The following SLC25A13 variants were observed in gnomAD, a reference collection of about 807,000 sequenced individuals.
SLC25A13 encodes the protein electrogenic aspartate/glutamate antiporter SLC25A13, mitochondrial.
In SLC25A13, 70 loss-of-function variants were observed where a neutral mutation model predicts 85.5. The ratio of observed to expected loss-of-function variants is 0.82; its 90% confidence interval spans 0.68 to 1.00. SLC25A13 has a LOEUF of 1.00. SLC25A13 is among the 50% of genes least tolerant of loss of function. SLC25A13 has a pLI of 0.00. For missense variants in SLC25A13, 765 were observed against 819.8 expected, an observed-to-expected ratio of 0.93 and a Z score of 0.82; for synonymous variants, 259 against 288.7, an observed-to-expected ratio of 0.90 and a Z score of 1.04.
intron 4 of SLC25A13, among the ~76,000 whole-genome samples, chr7:96,233,610 T>C (rs1349064050): frequency 6.6e-6 from 1 of 152,220 alleles, no homozygotes; most frequent in African/African-American, 2.4e-5. Flanking sequence ...AAATCTATTA[T>C]ACTATCTTAC....
intron 8 of SLC25A13, 64 bp downstream of exon 8, chr7:96,189,517 G>C: frequency 6.5e-7 from 1 of 1,531,950 alleles, no homozygotes; most frequent in Admixed American, 1.7e-5. Flanking sequence ...CCTGATTGCT[G>C]CCCTCCTCCT....
chr7:96,304,170 T>C (rs1409062856), intron 1 of SLC25A13, among the ~76,000 whole-genome samples: 2 of 152,202 alleles, frequency 1.3e-5, no homozygotes, highest in Non-Finnish European at 2.9e-5. Flanking sequence ...GCAGTCATTA[T>C]GGGAAAAGTT....
At chr7:96,154,331 C>T (rs1012470897) in intron 13 of SLC25A13, among the ~76,000 whole-genome samples, 1 of 146,168 alleles carries the variant, frequency 6.8e-6, no homozygotes, top group African/African-American at 2.5e-5. Context: ...GAGTCTCACT[C>T]TCTTACCCAG....
chr7:96,307,331 T>C (rs1799786393), intron 1 of SLC25A13, among the ~76,000 whole-genome samples: 1 of 152,156 alleles, frequency 6.6e-6, no homozygotes, highest in Admixed American at 6.5e-5. Flanking sequence ...ATTGTGATTG[T>C]GCTTTGAAGA....
chr7:96,225,998 A>G (rs1161429733), intron 4 of SLC25A13, among the ~76,000 whole-genome samples: 1 of 152,162 alleles, frequency 6.6e-6, no homozygotes, highest in Non-Finnish European at 1.5e-5. Context: ...CTTTCAAAAA[A>G]TGAAAATAAA....
At chr7:96,209,126 A>G (rs1795585210) in intron 4 of SLC25A13, 149 bp from the exon 5 acceptor site, 1 of 781,520 alleles carries the variant, frequency 1.3e-6, no homozygotes, top group Non-Finnish European at 2.0e-6. Context: ...GGCAGAAATA[A>G]AAGAACCCTC....
intron 11 of SLC25A13, among the ~76,000 whole-genome samples, chr7:96,181,608 A>G (rs1243437431): frequency 6.6e-6 from 1 of 152,248 alleles, no homozygotes; most frequent in Non-Finnish European, 1.5e-5. Flanking sequence ...AAGTATACAC[A>G]AAGGTAATTT....
chr7:96,293,062 G>A (rs1427008404), intron 2 of SLC25A13, among the ~76,000 whole-genome samples: 3 of 152,130 alleles, frequency 2.0e-5, no homozygotes, highest in Admixed American at 6.5e-5. Context: ...AAACAGCACG[G>A]TACTGGTACC....
At chr7:96,321,378 G>C (rs1014811642) in intron 1 of SLC25A13, among the ~76,000 whole-genome samples, 1 of 152,176 alleles carries the variant, frequency 6.6e-6, no homozygotes, top group Non-Finnish European at 1.5e-5. Flanking sequence ...AAGCGGGGAG[G>C]GGGAGAGTCC....
intron 4 of SLC25A13, among the ~76,000 whole-genome samples, chr7:96,222,263 T>C (rs536020976): frequency 3.7e-4 from 57 of 152,320 alleles, no homozygotes; most frequent in African/African-American, 1.3e-3. Flanking sequence ...AGGGCAAAAC[T>C]GGACCAGTTT....
chr7:96,312,873 G>A (rs1799998230), intron 1 of SLC25A13, among the ~76,000 whole-genome samples: 2 of 152,152 alleles, frequency 1.3e-5, no homozygotes, highest in Non-Finnish European at 2.9e-5. Flanking sequence ...AGAGAAGATA[G>A]GACATACATG....
rs937178877 is a variant in SLC25A13, at chr7:96,196,054, C to A, written c.469-2871G>T. 2.6e-5 allele frequency among the ~76,000 whole-genome samples: 4 copies of A among 152,274 alleles called. No homozygotes were observed. The Middle Eastern group carries it at 0.01, about 388-fold the overall frequency. On this transcript the variant is annotated intron_variant, in intron 5 of 17. Coordinates refer to ENST00000265631, the MANE Select transcript of SLC25A13 (RefSeq NM_014251.3). Reference sequence around the variant, plus strand: ...GAATGCTTTAGATGTATAGTAGGTGCTCAATAAATGACAGGCATTCTCATC... The same window carrying A: ...GAATGCTTTAGATGTATAGTAGGTGATCAATAAATGACAGGCATTCTCATC...
At chr7:96,311,085 T>C (rs1203634704) in intron 1 of SLC25A13, among the ~76,000 whole-genome samples, 4 of 152,148 alleles carry the variant, frequency 2.6e-5, no homozygotes, top group Non-Finnish European at 5.9e-5. Context: ...CATACATACA[T>C]AATATGCATA....
At chr7:96,216,782 A>G (rs1342024417) in intron 4 of SLC25A13, among the ~76,000 whole-genome samples, 1 of 152,160 alleles carries the variant, frequency 6.6e-6, no homozygotes, top group Non-Finnish European at 1.5e-5. Flanking sequence ...GATCAGGAAA[A>G]ATAACTAATG....
intron 5 of SLC25A13, among the ~76,000 whole-genome samples, chr7:96,204,905 CTATT>C (rs1202416163): frequency 1.3e-5 from 2 of 151,986 alleles, no homozygotes; most frequent in Non-Finnish European, 2.9e-5. Context: ...TAGGTTAATA[CTATT>C]TATTTATTTA....
Position 96,277,357 on chromosome 7 carries a change from AAC to A in SLC25A13, c.70-21_70-20del. On this transcript the variant is annotated intron_variant, in intron 2 of 17. Coordinates refer to ENST00000265631, the MANE Select transcript of SLC25A13 (RefSeq NM_014251.3). ...TTGCATACTGTTTAAAAAAAAGAAA[AAC>A]AGTATTTTATATATTTGATTTTCAA... The A allele has an allele frequency of 1.2e-6, 2 of 1,600,684 alleles. No homozygotes were observed. The highest frequency in any genetic ancestry group is 1.7e-6 in the Non-Finnish European group (2 of 1,171,746).
chr7:96,276,893 T>C (rs930504424), intron 3 of SLC25A13, among the ~76,000 whole-genome samples: 1 of 152,142 alleles, frequency 6.6e-6, no homozygotes, highest in South Asian at 2.1e-4. Context: ...CCTTGAAAAA[T>C]ACCAAAGGCA....
At chr7:96,260,218 G>A (rs1224544526) in intron 3 of SLC25A13, among the ~76,000 whole-genome samples, 1 of 151,744 alleles carries the variant, frequency 6.6e-6, no homozygotes, top group African/African-American at 2.4e-5. Context: ...ATTAAAAAAG[G>A]GGGAGATTCA....
At chr7:96,182,641 TCAGTACTCAGGCACACTTCTAGTTGCCAA>T (rs1211653705) in intron 11 of SLC25A13, among the ~76,000 whole-genome samples, 3 of 152,262 alleles carry the variant, frequency 2.0e-5, no homozygotes, top group African/African-American at 7.2e-5. Flanking sequence ...AGCTCAGCAC[TCAGTACTCAGGCACACTTCTAGTTGCCAA>T]CAGTACAGGT....
Sources: allele counts gnomAD v4.1 joint callset (sites outside exome capture counted in the v4.1 genomes callset), GRCh38; gene constraint gnomAD v4.1.1; transcripts MANE v1.5; gene names NCBI Gene and HGNC (gene_info 2026-07-23, HGNC 2026-07-21).